CSPP1: variants seen among roughly 807,000 people sequenced by gnomAD.
The protein encoded by CSPP1 is centrosome and spindle pole-associated protein 1.
Under a neutral mutation model 164.4 loss-of-function variants are expected in CSPP1, and 126 were observed. That is an observed-to-expected ratio of 0.77 (90% confidence interval 0.66 to 0.89). The LOEUF (loss-of-function observed/expected upper bound fraction) is 0.89, where lower values mean the gene tolerates loss of function less well. Ranked by LOEUF, CSPP1 falls within the 40% of genes least tolerant of loss-of-function variation. CSPP1 has a pLI of 0.00. For missense variants in CSPP1, 1,395 were observed against 1,449.8 expected (o/e 0.96, Z 0.61); for synonymous variants, 472 against 476.7 (o/e 0.99, Z 0.13).
chr8:67,185,578 A>T (rs1834346948), intron 28 of CSPP1, among the ~76,000 whole-genome samples: 1 of 152,218 alleles, frequency 6.6e-6, no homozygotes, highest in Non-Finnish European at 1.5e-5. Context: ...GCCAGTGCAT[A>T]TTAGTTGACA....
At chr8:67,102,597 A>AG (rs1053834049) in intron 7 of CSPP1, among the ~76,000 whole-genome samples, 1 of 152,132 alleles carries the variant, frequency 6.6e-6, no homozygotes, top group African/African-American at 2.4e-5. Flanking sequence ...TCAAAAAAAA[A>AG]GAAGGTTATA....
intron 24 of CSPP1, among the ~76,000 whole-genome samples, chr8:67,169,164 C>CA (rs1410340242): frequency 6.6e-6 from 1 of 152,068 alleles, no homozygotes; most frequent in Non-Finnish European, 1.5e-5. Flanking sequence ...GCTCCATTTT[C>CA]AAAAATAGAG....
At chr8:67,121,472 A>C (rs1390695020) in intron 15 of CSPP1, among the ~76,000 whole-genome samples, 1 of 151,654 alleles carries the variant, frequency 6.6e-6, no homozygotes, top group Non-Finnish European at 1.5e-5. Flanking sequence ...ATATTGATTG[A>C]TTTTTTTATG....
chr8:67,132,114 T>C, intron 16 of CSPP1, 34 bp downstream of exon 16: 1 of 1,590,626 alleles, frequency 6.3e-7, no homozygotes, highest in Non-Finnish European at 8.6e-7. Context: ...CTGTTGAACC[T>C]CTTAAGTGTA....
intron 3 of CSPP1, among the ~76,000 whole-genome samples, chr8:67,083,488 C>CAT (rs1809647796): frequency 7.3e-6 from 1 of 137,246 alleles, no homozygotes; most frequent in African/African-American, 2.8e-5. Context: ...GCCAAGATTG[C>CAT]GCCACTGCAC....
intron 3 of CSPP1, among the ~76,000 whole-genome samples, chr8:67,077,170 GTCTCTCTC>G (rs141841739): frequency 6.7e-6 from 1 of 148,934 alleles, no homozygotes; most frequent in Non-Finnish European, 1.5e-5. Flanking sequence ...TAAAGACAGG[GTCTCTCTC>G]TCTCTCTCTC....
In CSPP1 at chr8:67,193,622, G is replaced by C; in HGVS notation, c.3469+20G>C. On this transcript the variant is annotated intron_variant, in intron 30 of 30. Transcript: ENST00000678616. ...ATACAGGTAAATGACCAAGTGTAATGGCCTATAGTAGAATCCTGTATGAAC... is the reference window on the plus strand; with the variant it reads ...ATACAGGTAAATGACCAAGTGTAATCGCCTATAGTAGAATCCTGTATGAAC... 1 of 1,603,324 alleles carries C rather than the reference G, an allele frequency of 6.2e-7. No homozygotes were observed. The highest frequency in any genetic ancestry group is 1.3e-5 in the African/African-American group (1 of 74,810).
chr8:67,192,259 G>C (rs1330123575), intron 29 of CSPP1, among the ~76,000 whole-genome samples: 1 of 151,998 alleles, frequency 6.6e-6, no homozygotes, highest in African/African-American at 2.4e-5. Context: ...ATTTTTAGTA[G>C]AGTTGGGGTT....
intron 29 of CSPP1, among the ~76,000 whole-genome samples, chr8:67,193,250 C>G (rs1836915219): frequency 6.6e-6 from 1 of 152,124 alleles, no homozygotes; most frequent in African/African-American, 2.4e-5. Flanking sequence ...AGGCGCCTGC[C>G]ACCATGCCCA....
chr8:67,152,303 GT>G (rs1194777565), intron 18 of CSPP1, among the ~76,000 whole-genome samples: 2 of 151,976 alleles, frequency 1.3e-5, no homozygotes, highest in African/African-American at 2.4e-5. Context: ...AAAATTGAAT[GT>G]TACAACATGT....
intron 24 of CSPP1, among the ~76,000 whole-genome samples, chr8:67,169,205 GTATTTTATTT>G (rs199581835): frequency 1.3e-5 from 2 of 151,972 alleles, no homozygotes; most frequent in East Asian, 3.9e-4. Flanking sequence ...GCAGCAGTAG[GTATTTTATTT>G]TATTTTATTT....
At chr8:67,117,376 C>T (rs956341875) in intron 13 of CSPP1, among the ~76,000 whole-genome samples, 2 of 152,076 alleles carry the variant, frequency 1.3e-5, no homozygotes, top group African/African-American at 4.8e-5. Context: ...CAAGGGAGAA[C>T]CTGTTAAGAT....
chr8:67,111,292 T>C (rs1288918443), intron 9 of CSPP1, among the ~76,000 whole-genome samples: 1 of 152,214 alleles, frequency 6.6e-6, no homozygotes, highest in Non-Finnish European at 1.5e-5. Flanking sequence ...TTTGTATTTT[T>C]TCCTGTAGAA....
Position 67,118,759 on chromosome 8 carries a change from G to A in CSPP1, c.1635G>A (p.Met545Ile), listed in dbSNP as rs1191593320. 1.2e-6 allele frequency: 2 copies of A among 1,610,044 alleles called. No individual in the cohort carries two copies. Among genetic ancestry groups the A allele is most frequent in the South Asian group, 2.2e-5 (2 of 90,666 alleles). ...TTCTTTAAGATGGTTCAGGAATGAT[G>A]GGCGTACAGCCTGCAGCTTATGTTA... ...PSLAYYGSGM[M>I]GVQPAAYVSA... is the part of the protein sequence containing the mutation. The change falls in exon 15 of 31, where the codon ATG becomes ATA. Residue 545 changes from methionine to isoleucine, a missense_variant. Met to Ile is a conservative substitution (Grantham distance 10). Transcript: ENST00000678616.
At chr8:67,086,888 CTTTTTT>C in intron 4 of CSPP1, 6 of 928,254 alleles carry the variant, frequency 6.5e-6, no homozygotes, top group Non-Finnish European at 8.9e-6. Context: ...TTTTTTCTTT[CTTTTTT>C]TTTTTTTTTA....
rs749677220 is a variant in CSPP1 at position 67,159,957 on chromosome 8, CTTT to C, written c.2538+821_2538+823del. ...TCCTTCCTTCCTTCCTTCCTTCCTT[CTTT>C]CTTTTCTTTTCTTTTCTTTTCTTTT... On this transcript the variant is annotated intron_variant, in intron 21 of 30. Coordinates refer to ENST00000678616, the MANE Select transcript of CSPP1 (RefSeq NM_001382391.1). Among the ~76,000 whole-genome samples the C allele has an allele frequency of 9.5e-3, 190 of 20,014 alleles. 3 individuals are homozygous for C. Among genetic ancestry groups the C allele is most frequent in the South Asian group, 0.025 (11 of 442 alleles). 13.1% of individuals were successfully genotyped at this position (20,014 alleles called of 152,430 possible).
At chr8:67,122,809 A>G (rs1819227080) in intron 15 of CSPP1, among the ~76,000 whole-genome samples, 1 of 152,038 alleles carries the variant, frequency 6.6e-6, no homozygotes, top group African/African-American at 2.4e-5. Flanking sequence ...TTCTATTATT[A>G]GAAGTGAAGT....
chr8:67,195,250 A>G, intron 30 of CSPP1, 132 bp from the exon 31 acceptor site: 1 of 724,970 alleles, frequency 1.4e-6, no homozygotes, highest in South Asian at 1.6e-5. Flanking sequence ...AAAACAAACA[A>G]ACAGTAGAGT....
At position 67,093,561 on chromosome 8, in the gene CSPP1, C is replaced by A; in HGVS notation, c.403C>A (p.Arg135Ser). 1 of 1,604,540 alleles carries A rather than the reference C, an allele frequency of 6.2e-7. No homozygotes were observed. The highest frequency in any genetic ancestry group is 1.1e-5 in the South Asian group (1 of 89,604). The change falls in exon 6 of 31, where the codon CGT becomes AGT. Residue 135 changes from arginine (R) to serine (S), a missense_variant. By Grantham distance (110) the Arg-to-Ser change is moderately radical (BLOSUM62 -1). Coordinates refer to ENST00000678616, the MANE Select transcript of CSPP1 (RefSeq NM_001382391.1). ...TTTTAAGGAAAGGTTGAAACTTGAA[C>A]GTAACAAAGAATACAATCAGTTTCT... ...LSAKERLKLERNKEYNQFLRG... is the reference protein window; with the variant it reads ...LSAKERLKLESNKEYNQFLRG...
Sources: gnomAD v4.1 joint callset for allele counts (sites outside exome capture counted in the v4.1 genomes callset) on GRCh38, gnomAD v4.1.1 for gene constraint, MANE v1.5 for transcripts, NCBI Gene and HGNC (gene_info 2026-07-23, HGNC 2026-07-21) for gene names.